RIMBP2: variants seen among roughly 807,000 people sequenced by gnomAD.
The protein encoded by RIMBP2 is RIMS binding protein 2, also known as RIMS-binding protein 2.
In RIMBP2, 48 loss-of-function variants were observed where a neutral mutation model predicts 118.6. The observed-to-expected ratio is 0.40, with a 90% confidence interval of 0.32 to 0.51. The LOEUF (loss-of-function observed/expected upper bound fraction) is 0.51. RIMBP2 is among the 20% of genes least tolerant of loss of function. The probability of loss-of-function intolerance (pLI) is 0.41; values close to 1 mark genes in which losing one functional copy is unlikely to be tolerated. For missense variants in RIMBP2, 1,551 were observed against 1,768.3 expected, an observed-to-expected ratio of 0.88 and a Z score of 2.20; for synonymous variants, 762 against 742.9, an observed-to-expected ratio of 1.03 and a Z score of -0.42.
intron 2 of RIMBP2, among the ~76,000 whole-genome samples, chr12:130,607,478 GT>G (rs1302437172): frequency 1.3e-5 from 2 of 152,014 alleles, no homozygotes; most frequent in African/African-American, 4.8e-5. Context: ...GCATCCGTGG[GT>G]TTCTGCCACG....
intron 17 of RIMBP2, among the ~76,000 whole-genome samples, chr12:130,421,691 A>ATGTGTGTGTGTGTGTGTGTGTGTGTGTG (rs35161782): frequency 2.0e-5 from 3 of 147,188 alleles, no homozygotes; most frequent in African/African-American, 7.6e-5. Context: ...CTGCATTTAT[A>ATGTGTGTGTGTGTGTGTGTGTGTGTGTG]TGTGTGTGTG....
rs929613408 is a variant in RIMBP2, at chr12:130,630,606, A to T, written c.-351-2150T>A. ...TGAGTGCTCTGCAACACAGATGAGA[A>T]CAGACCTAAGCAAAGAGTACCATGA... On this transcript the variant is annotated intron_variant, in intron 1 of 22. Transcript: ENST00000690449. 3.5e-4 allele frequency among the ~76,000 whole-genome samples: 54 copies of T among 152,210 alleles called. 1 individual carries two copies. The highest frequency in any genetic ancestry group is 3.5e-3 in the Admixed American group (53 of 15,282).
chr12:130,399,275 T>C, intron 22 of RIMBP2: 1 of 552,240 alleles, frequency 1.8e-6, no homozygotes, highest in Non-Finnish European at 2.7e-6. Flanking sequence ...GAATGTAGTC[T>C]AATAGTTCAA....
chr12:130,446,179 T>C lies in RIMBP2; in HGVS notation c.582-910A>G, dbSNP rs1747873472. On this transcript the variant is annotated intron_variant, in intron 9 of 22. Coordinates refer to ENST00000690449, the MANE Select transcript of RIMBP2 (RefSeq NM_001393629.1). This position sits in a 1 kb window ranked among gnomAD's most constrained non-coding sequence, Gnocchi z 4.1. ...TTCTCTAAATAAAAGGCAAATTAAC[T>C]TAAAATAACAGCGAAGAACTCATTA... 6.6e-6 allele frequency among the ~76,000 whole-genome samples: 1 copy of C among 152,028 alleles called. No individual in the cohort carries two copies. Among genetic ancestry groups the C allele is most frequent in the Non-Finnish European group, 1.5e-5 (1 of 68,006 alleles).
chr12:130,539,254 T>C (rs1228491692), intron 2 of RIMBP2, among the ~76,000 whole-genome samples: 1 of 152,224 alleles, frequency 6.6e-6, no homozygotes, highest in Admixed American at 6.5e-5. Context: ...TATAACAGTG[T>C]CAGTGAATGC....
intron 11 of RIMBP2, among the ~76,000 whole-genome samples, chr12:130,439,511 G>A (rs1434501676): frequency 3.3e-5 from 5 of 149,586 alleles, no homozygotes; most frequent in African/African-American, 1.2e-4. Context: ...GTCTGTGGGT[G>A]GGTATGTGTG....
chr12:130,421,353 T>G (rs750361098), intron 17 of RIMBP2, among the ~76,000 whole-genome samples: 1 of 152,244 alleles, frequency 6.6e-6, no homozygotes, highest in Non-Finnish European at 1.5e-5. Flanking sequence ...CCTAAGGATC[T>G]TTAACATTGC....
chr12:130,631,358 T>C (rs1373749203), intron 1 of RIMBP2, among the ~76,000 whole-genome samples: 4 of 152,186 alleles, frequency 2.6e-5, no homozygotes, highest in African/African-American at 4.8e-5. Context: ...TTTAACTATG[T>C]GTATAGACTG....
intron 2 of RIMBP2, among the ~76,000 whole-genome samples, chr12:130,537,830 AGGCTATGTCAGCGCT>A (rs1365584680): frequency 1.3e-5 from 2 of 152,232 alleles, no homozygotes; most frequent in African/African-American, 2.4e-5. Context: ...GTCATTAGAG[AGGCTATGTCAGCGCT>A]CAGGTCTAAG....
At position 130,404,943 on chromosome 12, in the gene RIMBP2, T is replaced by TA. The variant is rs946035273; in HGVS notation, c.3765+1228dup. ...TTAAAACGTATTCATTTTTTATTAT[T>TA]AAAAAATGATTTTTTTAAAGTAGGG... On this transcript the variant is annotated intron_variant, in intron 21 of 22. Transcript: ENST00000690449. 2.6e-5 allele frequency among the ~76,000 whole-genome samples: 4 copies of TA among 152,182 alleles called. No individual in the cohort carries two copies. The East Asian group carries it at 5.8e-4, about 22-fold the overall frequency.
intron 11 of RIMBP2, among the ~76,000 whole-genome samples, chr12:130,440,621 C>T (rs73152909): frequency 0.27 from 40,509 of 152,236 alleles, 6,258 homozygotes; most frequent in South Asian, 0.51. Flanking sequence ...CCCCCGCACT[C>T]ATCAGAAGGC....
chr12:130,612,549 G>A (rs2060621754), intron 2 of RIMBP2, among the ~76,000 whole-genome samples: 1 of 152,222 alleles, frequency 6.6e-6, no homozygotes, highest in African/African-American at 2.4e-5. Flanking sequence ...AGCAACCCAA[G>A]CTAAGAGAGC....
intron 21 of RIMBP2, among the ~76,000 whole-genome samples, chr12:130,400,585 G>T (rs564041541): frequency 1.2e-4 from 19 of 152,214 alleles, no homozygotes; most frequent in Non-Finnish European, 2.6e-4. Flanking sequence ...GGCTGGCTCT[G>T]GGCAACACGG....
intron 1 of RIMBP2, among the ~76,000 whole-genome samples, chr12:130,639,316 G>C (rs963227909): frequency 4.6e-5 from 7 of 151,240 alleles, no homozygotes; most frequent in Non-Finnish European, 8.8e-5. Flanking sequence ...TTGAACCCGG[G>C]AGGTAGAAGT....
At chr12:130,412,857 C>T (rs541136993) in intron 18 of RIMBP2, 70 bp from the exon 19 acceptor site, 30 of 1,406,580 alleles carry the variant, frequency 2.1e-5, no homozygotes, top group Middle Eastern at 1.8e-4. Flanking sequence ...GTCCCACTGA[C>T]GGTAAGTGAG....
At position 130,666,630 on chromosome 12, in the gene RIMBP2, A is replaced by G. The variant is rs943984210; in HGVS notation, c.-351-38174T>C. Among the ~76,000 whole-genome samples, 11 of 149,786 alleles carry G rather than the reference A, an allele frequency of 7.3e-5. 1 individual carries two copies. In the South Asian group the frequency reaches 2.4e-3, roughly 33 times the overall value. ...GATCCTGGCACATAGAGATCAGTCA[A>G]TAATGTTTACCAAAGGAAGGGAGGG... On this transcript the variant is annotated intron_variant, in intron 1 of 22. Coordinates refer to ENST00000690449, the MANE Select transcript of RIMBP2 (RefSeq NM_001393629.1).
At chr12:130,673,576 A>C (rs61934882) in intron 1 of RIMBP2, among the ~76,000 whole-genome samples, 52,657 of 152,048 alleles carry the variant, frequency 0.35, 9,243 homozygotes, top group East Asian at 0.41. Context: ...TTGTGGGTCA[A>C]GGCCTGCCAG....
intron 22 of RIMBP2, among the ~76,000 whole-genome samples, chr12:130,399,391 C>T (rs770337909): frequency 1.3e-5 from 2 of 152,158 alleles, no homozygotes; most frequent in East Asian, 1.9e-4. Context: ...CCCCTTTTCA[C>T]TCTTGATCAA....
In RIMBP2 at chr12:130,670,438, C is replaced by T. The variant is rs1227260745; in HGVS notation, c.-351-41982G>A. Among the ~76,000 whole-genome samples the T allele has an allele frequency of 1.3e-5, 2 of 152,068 alleles. No individual in the cohort carries two copies. The highest frequency in any genetic ancestry group is 2.9e-5 in the Non-Finnish European group (2 of 68,020). ...GGTTCTCATGAACACGCCAGCCCTG[C>T]TCTCTCTCCTAGCTCTGGGCCCAAG... On this transcript the variant is annotated intron_variant, in intron 1 of 22. Coordinates refer to ENST00000690449, the MANE Select transcript of RIMBP2 (RefSeq NM_001393629.1). The surrounding 1 kb of genome is among the most constrained non-coding windows in gnomAD (Gnocchi z 4.9).
Sources: gnomAD v4.1 joint callset for allele counts (sites outside exome capture counted in the v4.1 genomes callset) on GRCh38, gnomAD v4.1.1 for gene constraint, Gnocchi (gnomAD v3.1) non-coding constraint, MANE v1.5 for transcripts, NCBI Gene and HGNC (gene_info 2026-07-23, HGNC 2026-07-21) for gene names.